The following EEFSEC variants were observed in gnomAD, a reference collection of about 807,000 sequenced individuals.
EEFSEC encodes eukaryotic elongation factor, selenocysteine-tRNA specific.
EEFSEC carries 43 observed loss-of-function variants against 42.1 expected under a neutral mutation model. The observed-to-expected ratio is 1.02, with a 90% CI of 0.80 to 1.32. The LOEUF (loss-of-function observed/expected upper bound fraction) is 1.32. EEFSEC is among the 40% of genes most tolerant of loss of function. The pLI, the probability that EEFSEC is intolerant of heterozygous loss-of-function variation, is 0.00. For synonymous variants in EEFSEC, 354 were observed against 339.1 expected, an observed-to-expected ratio of 1.04 and a Z score of -0.48; for missense variants, 745 against 803.6, an observed-to-expected ratio of 0.93 and a Z score of 0.88.
In EEFSEC at chr3:128,237,407, G is replaced by T. The variant is rs2066024374; in HGVS notation, c.317-9429G>T. 2.0e-5 allele frequency among the ~76,000 whole-genome samples: 3 copies of T among 151,736 alleles called. No homozygotes were observed. The South Asian group carries it at 6.3e-4, about 32-fold the overall frequency. On this transcript the variant is annotated intron_variant, in intron 1 of 6. Coordinates refer to ENST00000254730, the MANE Select transcript of EEFSEC (RefSeq NM_021937.5). ...TTTCTGTTTTTATGTTTGAAACCTT[G>T]ATCCATTTGGAATTTATTCTGATGT...
chr3:128,169,615 G>A (rs1288753897), intron 1 of EEFSEC, among the ~76,000 whole-genome samples: 1 of 152,146 alleles, frequency 6.6e-6, no homozygotes, highest in African/African-American at 2.4e-5. Flanking sequence ...TGTGGAATCA[G>A]CGTTGGCAGG....
chr3:128,341,131 A>C (rs1236045446), intron 4 of EEFSEC, 102 bp from the exon 5 acceptor site: 2 of 1,399,762 alleles, frequency 1.4e-6, no homozygotes. Context: ...CGGTGCCTGC[A>C]GGTGGTGGTA....
rs1460547114 is a variant in EEFSEC at position 128,157,792 on chromosome 3, G to T, written c.316+3969G>T. Among the ~76,000 whole-genome samples, 3 of 152,164 alleles carry T rather than the reference G, an allele frequency of 2.0e-5. No individual in the cohort carries two copies. The East Asian group carries it at 5.8e-4, about 29-fold the overall frequency. ...TGGAGATGTACAAAGAGATTAATTT[G>T]TTATCATGCTTGCTAACACAGCATC... On this transcript the variant is annotated intron_variant, in intron 1 of 6. Coordinates refer to ENST00000254730, the MANE Select transcript of EEFSEC (RefSeq NM_021937.5).
At chr3:128,395,105 AC>A (rs1476635383) in intron 6 of EEFSEC, among the ~76,000 whole-genome samples, 1 of 152,072 alleles carries the variant, frequency 6.6e-6, no homozygotes, top group African/African-American at 2.4e-5. Flanking sequence ...AGCATCTATG[AC>A]CCCGGGCAGG....
chr3:128,226,847 G>A (rs2065912616), intron 1 of EEFSEC, among the ~76,000 whole-genome samples: 1 of 152,168 alleles, frequency 6.6e-6, no homozygotes, highest in Admixed American at 6.5e-5. Context: ...GGTGCACAGA[G>A]GGTTGTGTGG....
At chr3:128,218,875 G>A (rs2065836094) in intron 1 of EEFSEC, among the ~76,000 whole-genome samples, 1 of 152,182 alleles carries the variant, frequency 6.6e-6, no homozygotes, top group Non-Finnish European at 1.5e-5. Context: ...TCCTGCTAAG[G>A]AACATAAGAA....
chr3:128,325,086 C>T (rs2067049904), intron 4 of EEFSEC, among the ~76,000 whole-genome samples: 1 of 152,238 alleles, frequency 6.6e-6, no homozygotes. Flanking sequence ...CGCTGGCCTA[C>T]TCTCTGCCTG....
intron 4 of EEFSEC, among the ~76,000 whole-genome samples, chr3:128,314,775 A>G (rs1269263508): frequency 6.6e-6 from 1 of 152,214 alleles, no homozygotes; most frequent in Admixed American, 6.5e-5. Flanking sequence ...ACGACCAAAA[A>G]TGTATCCAGG....
intron 1 of EEFSEC, among the ~76,000 whole-genome samples, chr3:128,163,072 G>A (rs1425743149): frequency 2.6e-5 from 4 of 152,152 alleles, no homozygotes; most frequent in Non-Finnish European, 5.9e-5. Flanking sequence ...TCTTTTGTTT[G>A]ATGGAGCCTC....
At chr3:128,423,033 A>G in the EEFSEC span, among the ~76,000 whole-genome samples, 1 of 152,224 alleles carries the variant, frequency 6.6e-6, no homozygotes, top group Non-Finnish European at 1.5e-5. Context: ...ATCCAGTGAG[A>G]CCTGCAGGAA....
chr3:128,269,682 T>C (rs760427750), intron 4 of EEFSEC, among the ~76,000 whole-genome samples: 3 of 152,224 alleles, frequency 2.0e-5, no homozygotes, highest in Non-Finnish European at 4.4e-5. Context: ...CCCAGGTCTG[T>C]TCCCAGCTGG....
chr3:128,347,774 CATAAAA>C (rs2067330680), intron 5 of EEFSEC, among the ~76,000 whole-genome samples: 2 of 151,988 alleles, frequency 1.3e-5, no homozygotes, highest in Admixed American at 6.6e-5. Context: ...ACATACCAAA[CATAAAA>C]ATAAAACAGT....
At chr3:128,338,592 CAG>C (rs1241668277) in intron 4 of EEFSEC, among the ~76,000 whole-genome samples, 3 of 152,164 alleles carry the variant, frequency 2.0e-5, no homozygotes, top group African/African-American at 7.2e-5. Flanking sequence ...GGAGCAGCCT[CAG>C]GGGCAAAGCA....
At chr3:128,224,704 A>T (rs1559875825) in intron 1 of EEFSEC, among the ~76,000 whole-genome samples, 1 of 152,232 alleles carries the variant, frequency 6.6e-6, no homozygotes, top group Non-Finnish European at 1.5e-5. Flanking sequence ...TTTAAAAAAT[A>T]TAGACATTTT....
intron 4 of EEFSEC, among the ~76,000 whole-genome samples, chr3:128,319,736 T>C (rs1161423377): frequency 6.6e-6 from 1 of 152,226 alleles, no homozygotes; most frequent in African/African-American, 2.4e-5. Flanking sequence ...ACGATCTGAA[T>C]GCCACACCAT....
chr3:128,379,839 T>C (rs1250443541), intron 6 of EEFSEC, among the ~76,000 whole-genome samples: 1 of 152,258 alleles, frequency 6.6e-6, no homozygotes, highest in East Asian at 1.9e-4. Context: ...TCCCGTCAGC[T>C]GTCCCCACAC....
intron 4 of EEFSEC, among the ~76,000 whole-genome samples, chr3:128,273,148 G>A (rs551019071): frequency 4.9e-4 from 74 of 152,306 alleles, no homozygotes; most frequent in Admixed American, 8.5e-4. Flanking sequence ...CTTGGCCCAT[G>A]GAGTGCAGAG....
chr3:128,244,184 C>T (rs2066102587), intron 1 of EEFSEC, among the ~76,000 whole-genome samples: 2 of 152,206 alleles, frequency 1.3e-5, no homozygotes. Flanking sequence ...TTGTTCCCTG[C>T]TGGGCTTTAT....
intron 4 of EEFSEC, among the ~76,000 whole-genome samples, chr3:128,295,872 A>G (rs1261277460): frequency 1.3e-5 from 2 of 152,156 alleles, no homozygotes; most frequent in East Asian, 3.9e-4. Context: ...CCCCATGGGA[A>G]GTATGTGCAT....
Sources: allele counts gnomAD v4.1 joint callset (sites outside exome capture counted in the v4.1 genomes callset), GRCh38; gene constraint gnomAD v4.1.1; transcripts MANE v1.5; gene names NCBI Gene and HGNC (gene_info 2026-07-23, HGNC 2026-07-21).